The following NRXN3 variants were observed in gnomAD, a reference collection of about 807,000 sequenced individuals.
NRXN3 encodes the protein neurexin III.
In NRXN3, 32 loss-of-function variants were observed where a neutral mutation model predicts 137.6. The observed-to-expected ratio is 0.23, with a 90% confidence interval of 0.18 to 0.31. The LOEUF is 0.31. NRXN3 is among the 10% of genes least tolerant of loss of function. The probability of loss-of-function intolerance (pLI) is 1.00; values close to 1 mark genes in which losing one functional copy is unlikely to be tolerated. For missense variants in NRXN3, 1,574 were observed against 2,062.5 expected, an observed-to-expected ratio of 0.76 and a Z score of 4.59; for synonymous variants, 798 against 784.5, an observed-to-expected ratio of 1.02 and a Z score of -0.29.
At chr14:79,280,971 C>G (rs926426638) in intron 15 of NRXN3, 3 of 169,390 alleles carry the variant, frequency 1.8e-5, no homozygotes, top group Admixed American at 5.6e-5. Flanking sequence ...GAATAGCTGA[C>G]AACAGGAATC....
At chr14:79,211,959 A>C (rs372663562) in intron 15 of NRXN3, among the ~76,000 whole-genome samples, 1 of 152,072 alleles carries the variant, frequency 6.6e-6, no homozygotes, top group Non-Finnish European at 1.5e-5. Flanking sequence ...TTGTCAAGAG[A>C]CCTATTTTTG....
At chr14:79,780,499 C>T (rs1223725912) in intron 19 of NRXN3, among the ~76,000 whole-genome samples, 1 of 151,686 alleles carries the variant, frequency 6.6e-6, no homozygotes, top group Non-Finnish European at 1.5e-5. Context: ...ATCCCAGCTA[C>T]TTAGGAGGCT....
intron 15 of NRXN3, among the ~76,000 whole-genome samples, chr14:79,345,398 T>C (rs1382902090): frequency 6.6e-6 from 1 of 152,186 alleles, no homozygotes; most frequent in African/African-American, 2.4e-5. Context: ...AGCACCAGAC[T>C]GTGTAATGTG....
intron 4 of NRXN3, among the ~76,000 whole-genome samples, chr14:78,590,786 G>A (rs10438028): frequency 0.038 from 5,779 of 152,132 alleles, 367 homozygotes; most frequent in African/African-American, 0.13. Flanking sequence ...GTGGTGGCAC[G>A]TGGCTGTAAT....
At chr14:78,596,603 G>A (rs116847221) in intron 4 of NRXN3, among the ~76,000 whole-genome samples, 9 of 152,294 alleles carry the variant, frequency 5.9e-5, no homozygotes, top group Non-Finnish European at 1.0e-4. Context: ...CCAATTTGCT[G>A]AACCATTAGA....
chr14:78,192,842 TTC>T (rs1424553184), intron 1 of NRXN3, among the ~76,000 whole-genome samples: 1 of 152,222 alleles, frequency 6.6e-6, no homozygotes, highest in Non-Finnish European at 1.5e-5. Flanking sequence ...CTTCGCATTT[TTC>T]TCTTTCTTAA....
intron 10 of NRXN3, among the ~76,000 whole-genome samples, chr14:78,888,839 T>TCA (rs2099150843): frequency 7.6e-6 from 1 of 131,822 alleles, no homozygotes; most frequent in Non-Finnish European, 1.5e-5. Flanking sequence ...GGGAGAGTAA[T>TCA]CACACACATA....
At position 78,712,737 on chromosome 14, in the gene NRXN3, A is replaced by G. The variant is rs372213073; in HGVS notation, c.1661-2019A>G. ...GCCACCACACCTGGCTAATTTTTGTATTTTTAGTAAAGATGGGGTTTCACC... is the reference window on the plus strand; with the variant it reads ...GCCACCACACCTGGCTAATTTTTGTGTTTTTAGTAAAGATGGGGTTTCACC... On this transcript the variant is annotated intron_variant, in intron 7 of 20. Transcript: ENST00000335750. Among the ~76,000 whole-genome samples, 48 of 152,002 alleles carry G rather than the reference A, an allele frequency of 3.2e-4. No homozygotes were observed. The East Asian group carries it at 5.6e-3, about 18-fold the overall frequency.
At chr14:79,278,968 T>C (rs887691272) in intron 15 of NRXN3, among the ~76,000 whole-genome samples, 2 of 152,204 alleles carry the variant, frequency 1.3e-5, no homozygotes, top group African/African-American at 4.8e-5. Context: ...TTTATTTTTA[T>C]TTCTATTTGG....
intron 1 of NRXN3, among the ~76,000 whole-genome samples, chr14:78,186,459 A>G (rs2060236793): frequency 6.6e-6 from 1 of 152,230 alleles, no homozygotes; most frequent in African/African-American, 2.4e-5. Context: ...GCTTTGATTG[A>G]TAGTTGCCTT....
At chr14:78,215,666 A>G (rs1012584902) in intron 1 of NRXN3, among the ~76,000 whole-genome samples, 1 of 150,594 alleles carries the variant, frequency 6.6e-6, no homozygotes, top group Non-Finnish European at 1.5e-5. Context: ...AACTGGGGAA[A>G]TAGACTAGGA....
chr14:79,796,194 T>C (rs1018919431), intron 19 of NRXN3, among the ~76,000 whole-genome samples: 1 of 152,154 alleles, frequency 6.6e-6, no homozygotes, highest in African/African-American at 2.4e-5. Flanking sequence ...TTCTTAAAGA[T>C]GGTGTGGTTT....
intron 16 of NRXN3, among the ~76,000 whole-genome samples, chr14:79,592,233 G>C (rs997612347): frequency 1.3e-5 from 2 of 152,048 alleles, no homozygotes; most frequent in Admixed American, 1.3e-4. Flanking sequence ...GAGACTCAGC[G>C]GATTGCTTTT....
chr14:79,451,969 A>G (rs1382485593), intron 15 of NRXN3, among the ~76,000 whole-genome samples: 1 of 152,196 alleles, frequency 6.6e-6, no homozygotes, highest in African/African-American at 2.4e-5. Flanking sequence ...ATTGCTTTGG[A>G]GAATCTTCTT....
At chr14:78,493,359 TA>T (rs11352302) in intron 4 of NRXN3, among the ~76,000 whole-genome samples, 58,920 of 143,938 alleles carry the variant, frequency 0.41, 12,393 homozygotes, top group Admixed American at 0.48. Flanking sequence ...CTGTCTCTAT[TA>T]AAAAAAAAAA....
At chr14:79,194,280 C>T (rs1033821155) in intron 15 of NRXN3, among the ~76,000 whole-genome samples, 1 of 152,144 alleles carries the variant, frequency 6.6e-6, no homozygotes, top group African/African-American at 2.4e-5. Flanking sequence ...CTCTGACATG[C>T]AAAAATGCCA....
At chr14:79,676,378 AC>A (rs1300268625) in intron 17 of NRXN3, among the ~76,000 whole-genome samples, 2 of 151,758 alleles carry the variant, frequency 1.3e-5, no homozygotes, top group Non-Finnish European at 2.9e-5. Context: ...CCACCATTTT[AC>A]TTTCTCTTTC....
At chr14:79,679,407 AAAG>A (rs1212440827) in intron 17 of NRXN3, among the ~76,000 whole-genome samples, 2 of 152,182 alleles carry the variant, frequency 1.3e-5, no homozygotes, top group Non-Finnish European at 1.5e-5. Flanking sequence ...GAAATAGCTT[AAAG>A]AAGGAAGAGG....
chr14:78,990,806 C>T (rs542027338), intron 15 of NRXN3, among the ~76,000 whole-genome samples: 1 of 152,232 alleles, frequency 6.6e-6, no homozygotes, highest in Non-Finnish European at 1.5e-5. Context: ...TTTCTGTTTC[C>T]AATAATTGGT....
Sources: allele counts gnomAD v4.1 joint callset (sites outside exome capture counted in the v4.1 genomes callset), GRCh38; gene constraint gnomAD v4.1.1; transcripts MANE v1.5; gene names NCBI Gene and HGNC (gene_info 2026-07-23, HGNC 2026-07-21).